RNASEH1: variants seen among roughly 807,000 people sequenced by gnomAD.
RNASEH1 encodes ribonuclease H1, also known as ribonuclease H type II.
RNASEH1 carries 27 observed loss-of-function variants against 34.6 expected under a neutral mutation model. The ratio of observed to expected loss-of-function variants is 0.78; its 90% CI spans 0.58 to 1.08. The LOEUF (loss-of-function observed/expected upper bound fraction) is 1.08, where lower values mean the gene tolerates loss of function less well. Ranked by LOEUF, RNASEH1 falls within the 50% of genes least tolerant of loss-of-function variation. The probability of loss-of-function intolerance (pLI) is 0.00; values close to 1 mark genes in which losing one functional copy is unlikely to be tolerated. For missense variants in RNASEH1, 349 were observed against 373.6 expected (o/e 0.93, Z 0.54); for synonymous variants, 162 against 138.4 (o/e 1.17, Z -1.20).
intron 2 of RNASEH1, among the ~76,000 whole-genome samples, chr2:3,553,452 G>A (rs1291724026): frequency 1.3e-5 from 2 of 151,480 alleles, no homozygotes; most frequent in African/African-American, 2.4e-5. Flanking sequence ...GTACAGTGGC[G>A]CGATCGTGGC....
At chr2:3,535,404 G>T in the RNASEH1 span, among the ~76,000 whole-genome samples, 1 of 145,224 alleles carries the variant, frequency 6.9e-6, no homozygotes, top group Non-Finnish European at 1.5e-5. Context: ...TCCAGCCTGC[G>T]TGACAGAGTG....
In RNASEH1 at chr2:3,542,766, G is replaced by A. The variant is rs1332694280; in HGVS notation, c.*3019C>T. 1.3e-5 allele frequency among the ~76,000 whole-genome samples: 2 copies of A among 152,190 alleles called. No homozygotes were observed. The highest frequency in any genetic ancestry group is 4.8e-5 in the African/African-American group (2 of 41,432). On this transcript the variant is annotated 3_prime_UTR_variant, in exon 8 of 8. Coordinates refer to ENST00000315212, the MANE Select transcript of RNASEH1 (RefSeq NM_002936.6). ...TTGAGAAGCAGGATTCCGAGTGCAG[G>A]AGACACAGACATCATATAGAGGAGG...
intron 2 of RNASEH1, among the ~76,000 whole-genome samples, chr2:3,555,829 T>C (rs1191218707): frequency 1.3e-5 from 2 of 152,160 alleles, no homozygotes; most frequent in Non-Finnish European, 2.9e-5. Flanking sequence ...ATTAATCTTA[T>C]ATTGGGCTTT....
chr2:3,548,197 G>T, intron 6 of RNASEH1, 142 bp from the exon 7 acceptor site: 1 of 1,004,760 alleles, frequency 1.0e-6, no homozygotes, highest in Non-Finnish European at 1.5e-6. Context: ...GGCCTTAGTT[G>T]CTTTGGCCTT....
the RNASEH1 span, among the ~76,000 whole-genome samples, chr2:3,534,855 C>T: frequency 6.6e-6 from 1 of 152,206 alleles, no homozygotes; most frequent in East Asian, 1.9e-4. Flanking sequence ...CACCTGCTAC[C>T]ATGTGGAGGA....
chr2:3,545,907 A>C (rs1157697398), intron 7 of RNASEH1, 36 bp from the exon 8 acceptor site: 1 of 1,428,462 alleles, frequency 7.0e-7, no homozygotes, highest in East Asian at 2.3e-5. Flanking sequence ...ATTTTTACTC[A>C]TCTTTACATA....
chr2:3,545,851 C>T lies in RNASEH1; in HGVS notation c.795G>A (p.Ser265=), dbSNP rs778030645. Residue 265 remains serine, a synonymous_variant, in exon 8 of 8, where the codon TCG becomes TCA. Coordinates refer to ENST00000315212, the MANE Select transcript of RNASEH1 (RefSeq NM_002936.6). ...DIQWMHVPGH[S]GFIGNEEADR... is the part of the protein sequence containing the mutation. Reference sequence around the variant, plus strand: ...CAGCTTCTTCATTGCCTATAAATCCCGAATGACCAGGAACATGCATCTGTT... The same window carrying T: ...CAGCTTCTTCATTGCCTATAAATCCTGAATGACCAGGAACATGCATCTGTT... 26 of 1,612,848 alleles carry T rather than the reference C, an allele frequency of 1.6e-5. No individual in the cohort carries two copies. The highest frequency in any genetic ancestry group is 1.6e-4 in the Middle Eastern group (1 of 6,076).
chr2:3,546,688 T>C (rs892201565), intron 7 of RNASEH1, among the ~76,000 whole-genome samples: 2 of 152,176 alleles, frequency 1.3e-5, no homozygotes, highest in Non-Finnish European at 1.5e-5. Context: ...ACACTCTCAC[T>C]AGAATTGTAT....
chr2:3,532,375 G>C, the RNASEH1 span: 1 of 702,040 alleles, frequency 1.4e-6, no homozygotes, highest in Non-Finnish European at 2.6e-6. Flanking sequence ...GAGAGGGCCC[G>C]ATCAGAACGT....
chr2:3,537,377 T>C (rs1668039457), downstream of RNASEH1, among the ~76,000 whole-genome samples: 2 of 152,254 alleles, frequency 1.3e-5, no homozygotes, highest in Non-Finnish European at 1.5e-5. Flanking sequence ...TTCGAATATT[T>C]TTTATCAAAT....
chr2:3,546,717 G>A (rs150991998), intron 7 of RNASEH1, among the ~76,000 whole-genome samples: 1 of 152,300 alleles, frequency 6.6e-6, no homozygotes, highest in African/African-American at 2.4e-5. Flanking sequence ...GTTGCAGCGA[G>A]CCGAGATTGC....
intron 3 of RNASEH1, among the ~76,000 whole-genome samples, chr2:3,551,278 C>T (rs1659878756): frequency 2.6e-5 from 4 of 152,224 alleles, no homozygotes; most frequent in Admixed American, 6.5e-5. Flanking sequence ...AGGGCTCCTC[C>T]GTTCAGCTGG....
rs553814170 is a variant in RNASEH1, at chr2:3,555,807, A to G, written c.244+982T>C. Among the ~76,000 whole-genome samples the G allele has an allele frequency of 2.0e-4, 30 of 152,196 alleles. 1 individual carries two copies. Among genetic ancestry groups the G allele is most frequent in the Admixed American group, 1.4e-3 (21 of 15,286 alleles). The stretch of plus-strand genomic sequence containing the variant: ...CTGCATAATGGGCTTTAAACTTCCA[A>G]TTATATTGGGAATTAATCTTATATT... On this transcript the variant is annotated intron_variant, in intron 2 of 7. Transcript: ENST00000315212.
chr2:3,542,114 T>G lies in RNASEH1; in HGVS notation c.*3671A>C, dbSNP rs1668356153. ...ACACTGAGAACAGCCAATTTAGATTTCAACATACAGATAACAGGGATCCCC... is the reference window on the plus strand; with the variant it reads ...ACACTGAGAACAGCCAATTTAGATTGCAACATACAGATAACAGGGATCCCC... On this transcript the variant is annotated 3_prime_UTR_variant, in exon 8 of 8. Coordinates refer to ENST00000315212, the MANE Select transcript of RNASEH1 (RefSeq NM_002936.6). Among the ~76,000 whole-genome samples the G allele has an allele frequency of 6.6e-6, 1 of 152,056 alleles. No homozygotes were observed. Among genetic ancestry groups the G allele is most frequent in the South Asian group, 2.1e-4 (1 of 4,820 alleles).
At chr2:3,552,009 C>T (rs1301109774) in intron 3 of RNASEH1, 135 bp downstream of exon 3, 15 of 692,534 alleles carry the variant, frequency 2.2e-5, no homozygotes, top group Non-Finnish European at 3.5e-5. Flanking sequence ...TTAGTGATTT[C>T]TAAATAATCT....
At chr2:3,556,581 G>T (rs1342331693) in intron 2 of RNASEH1, among the ~76,000 whole-genome samples, 1 of 152,282 alleles carries the variant, frequency 6.6e-6, no homozygotes. Context: ...TGGAACAGGA[G>T]AGCTGAGTCC....
downstream of RNASEH1, among the ~76,000 whole-genome samples, chr2:3,540,277 T>C (rs1668223707): frequency 6.6e-6 from 1 of 151,618 alleles, no homozygotes; most frequent in South Asian, 2.1e-4. Flanking sequence ...TGCAGCTGAT[T>C]TTTTGATTCT....
At position 3,558,157 on chromosome 2, in the gene RNASEH1, C is replaced by T. The variant is rs761632461; in HGVS notation, c.104G>A (p.Arg35His). ...CCAGGTCAGAAAGACCCCGGTCTTG[C>T]GGCCCCTCCTCACGGCATAGAACAT... ...FGMFYAVRRGRKTGVFLTWNE... is the reference protein window; with the variant it reads ...FGMFYAVRRGHKTGVFLTWNE... The change falls in exon 1 of 8, where the codon CGC becomes CAC. Residue 35 changes from arginine (R) to histidine (H), a missense_variant. Around this residue, in one of 2 missense-constraint regions of RNASEH1, gnomAD observed 256 missense variants for 240.7 expected, o/e 1.06. Transcript: ENST00000315212. 3.1e-6 allele frequency: 5 copies of T among 1,601,376 alleles called. No individual in the cohort carries two copies. Among genetic ancestry groups the T allele is most frequent in the Non-Finnish European group, 4.3e-6 (5 of 1,175,660 alleles).
At chr2:3,534,201 T>A in the RNASEH1 span, 1 of 152,246 alleles carries the variant, frequency 6.6e-6, no homozygotes, top group Non-Finnish European at 1.5e-5. Flanking sequence ...CCCTGCTCAC[T>A]CTCTGGTTGT....
Sources: allele counts gnomAD v4.1 joint callset (sites outside exome capture counted in the v4.1 genomes callset), GRCh38; gene constraint gnomAD v4.1.1; regional missense constraint gnomAD v4.1.1; transcripts MANE v1.5; gene names NCBI Gene and HGNC (gene_info 2026-07-23, HGNC 2026-07-21).